The following PIP4K2A variants were observed in gnomAD, a reference collection of about 807,000 sequenced individuals.
The protein encoded by PIP4K2A is phosphatidylinositol 5-phosphate 4-kinase type-2 alpha.
PIP4K2A carries 14 observed loss-of-function variants against 42.9 expected under a neutral mutation model. The observed-to-expected ratio is 0.33, with a 90% CI of 0.22 to 0.51. The LOEUF (loss-of-function observed/expected upper bound fraction) is 0.51, where lower values mean the gene tolerates loss of function less well. Among genes scored for constraint, PIP4K2A ranks in the 20% least tolerant of loss-of-function variants. The pLI is 0.97. For missense variants in PIP4K2A, 434 were observed against 519.8 expected (o/e 0.83, Z 1.61); for synonymous variants, 192 against 192.2 (o/e 1.00, Z 0.01).
intron 4 of PIP4K2A, 133 bp downstream of exon 4, chr10:22,591,496 G>T: frequency 1.5e-6 from 1 of 684,514 alleles, no homozygotes. Context: ...TAGAACACAG[G>T]GTTAGAGGAG....
intron 4 of PIP4K2A, among the ~76,000 whole-genome samples, chr10:22,575,709 G>A (rs185119980): frequency 6.6e-6 from 1 of 152,200 alleles, no homozygotes; most frequent in Admixed American, 6.5e-5. Context: ...GGAGGCCAAG[G>A]CAGGTGGATC....
At chr10:22,663,418 T>C (rs1839246398) in intron 1 of PIP4K2A, among the ~76,000 whole-genome samples, 1 of 152,214 alleles carries the variant, frequency 6.6e-6, no homozygotes, top group African/African-American at 2.4e-5. Context: ...GGTTGGTTGT[T>C]TGGCTTTTTC....
intron 1 of PIP4K2A, among the ~76,000 whole-genome samples, chr10:22,684,629 T>C (rs1283737685): frequency 6.6e-6 from 1 of 152,192 alleles, no homozygotes; most frequent in East Asian, 1.9e-4. Context: ...CACCTTCCAA[T>C]GTCCAGTATC....
At chr10:22,664,223 A>ATG (rs1839303151) in intron 1 of PIP4K2A, among the ~76,000 whole-genome samples, 1 of 52,558 alleles carries the variant, frequency 1.9e-5, no homozygotes, top group African/African-American at 7.5e-5. Flanking sequence ...ATATACATAT[A>ATG]TATATACACA....
At chr10:22,575,163 G>T (rs1197999923) in intron 4 of PIP4K2A, among the ~76,000 whole-genome samples, 1 of 152,176 alleles carries the variant, frequency 6.6e-6, no homozygotes, top group Non-Finnish European at 1.5e-5. Flanking sequence ...ACTTCACACG[G>T]TGCTGTGTAC....
intron 1 of PIP4K2A, among the ~76,000 whole-genome samples, chr10:22,689,289 A>C (rs1839817157): frequency 6.6e-6 from 1 of 152,154 alleles, no homozygotes; most frequent in Non-Finnish European, 1.5e-5. Flanking sequence ...ACATTGAAAA[A>C]TATTTTTAAA....
intron 2 of PIP4K2A, 59 bp from the exon 3 acceptor site, chr10:22,608,082 C>T (rs1339111018): frequency 1.2e-5 from 13 of 1,105,150 alleles, no homozygotes; most frequent in Non-Finnish European, 1.8e-5. Flanking sequence ...TTGCATCTGC[C>T]ACCACTGAGT....
intron 1 of PIP4K2A, among the ~76,000 whole-genome samples, chr10:22,652,528 T>C (rs1732630497): frequency 6.6e-6 from 1 of 152,216 alleles, no homozygotes; most frequent in African/African-American, 2.4e-5. Context: ...TAATCAACAC[T>C]GTAGTTATAA....
intron 1 of PIP4K2A, among the ~76,000 whole-genome samples, chr10:22,685,610 G>A (rs953426841): frequency 5.3e-5 from 8 of 152,078 alleles, no homozygotes; most frequent in Non-Finnish European, 1.0e-4. Flanking sequence ...GCTACCCAGG[G>A]GGGCTAAGGC....
In PIP4K2A at chr10:22,537,124, T is replaced by A. The variant is rs1339951821; in HGVS notation, c.*77A>T. The A allele has an allele frequency of 9.1e-7, 1 of 1,102,362 alleles. No individual in the cohort carries two copies. The highest frequency in any genetic ancestry group is 1.3e-6 in the Non-Finnish European group (1 of 744,916). The allele number at this position is 1,102,362 out of a possible 1,614,324, so 68.3% of individuals were successfully genotyped here. On this transcript the variant is annotated 3_prime_UTR_variant, in exon 10 of 10. Transcript: ENST00000376573. Reference sequence around the variant, plus strand: ...CCTGCAAGATGAGTACTTCACTGAGTTTGGTTTTCATTTTTCCTACACCGA... The same window carrying A: ...CCTGCAAGATGAGTACTTCACTGAGATTGGTTTTCATTTTTCCTACACCGA...
At chr10:22,613,137 T>C (rs1487984433) in intron 1 of PIP4K2A, among the ~76,000 whole-genome samples, 2 of 151,984 alleles carry the variant, frequency 1.3e-5, no homozygotes, top group African/African-American at 4.8e-5. Flanking sequence ...CATGATGCTT[T>C]TGAGAAGGCA....
At chr10:22,671,365 A>G (rs1406592824) in intron 1 of PIP4K2A, among the ~76,000 whole-genome samples, 1 of 152,170 alleles carries the variant, frequency 6.6e-6, no homozygotes, top group African/African-American at 2.4e-5. Flanking sequence ...CACCTGATGA[A>G]TTTTTAAAAA....
rs541524223 is a variant in PIP4K2A, at chr10:22,697,937, C to A, written c.144+16246G>T. 9.2e-5 allele frequency among the ~76,000 whole-genome samples: 14 copies of A among 152,232 alleles called. No homozygotes were observed. In the East Asian group the frequency reaches 2.3e-3, roughly 25 times the overall value. On this transcript the variant is annotated intron_variant, in intron 1 of 9. Transcript: ENST00000376573. ...GTCTACTTACATGGGAAGAATTCTG[C>A]CTGCCATTAAATGCTATTGGATTGA...
At chr10:22,685,810 G>A (rs569956289) in intron 1 of PIP4K2A, among the ~76,000 whole-genome samples, 32 of 152,300 alleles carry the variant, frequency 2.1e-4, no homozygotes, top group African/African-American at 3.6e-4. Context: ...CTCGTCTGGT[G>A]CCATGCCCCT....
intron 6 of PIP4K2A, among the ~76,000 whole-genome samples, chr10:22,551,126 T>C (rs565555154): frequency 1.2e-3 from 189 of 152,348 alleles, no homozygotes; most frequent in African/African-American, 3.8e-3. Context: ...ATTTGTATTC[T>C]TGGAATACTT....
intron 1 of PIP4K2A, among the ~76,000 whole-genome samples, chr10:22,703,301 T>C (rs1207996452): frequency 1.3e-5 from 2 of 151,664 alleles, no homozygotes; most frequent in Non-Finnish European, 2.9e-5. Context: ...CCCAGCTACA[T>C]AGGAGGCTGA....
intron 1 of PIP4K2A, among the ~76,000 whole-genome samples, chr10:22,675,340 C>A (rs771832104): frequency 6.6e-6 from 1 of 152,176 alleles, no homozygotes; most frequent in South Asian, 2.1e-4. Flanking sequence ...GTAATCCCAG[C>A]ACTTTGGGAG....
At chr10:22,587,392 G>A (rs529253204) in intron 4 of PIP4K2A, among the ~76,000 whole-genome samples, 2 of 152,320 alleles carry the variant, frequency 1.3e-5, no homozygotes, top group Non-Finnish European at 2.9e-5. Flanking sequence ...CAGAAGCCCA[G>A]AGAGTTCCAA....
chr10:22,578,734 G>A (rs1837183545), intron 4 of PIP4K2A, among the ~76,000 whole-genome samples: 1 of 152,114 alleles, frequency 6.6e-6, no homozygotes, highest in South Asian at 2.1e-4. Context: ...CATCCACATA[G>A]GATTCATCTA....
Sources: gnomAD v4.1 joint callset for allele counts (sites outside exome capture counted in the v4.1 genomes callset) on GRCh38, gnomAD v4.1.1 for gene constraint, MANE v1.5 for transcripts, NCBI Gene and HGNC (gene_info 2026-07-23, HGNC 2026-07-21) for gene names.